Variants in SAMD12 observed in about 807,000 individuals in gnomAD.
The protein encoded by SAMD12 is sterile alpha motif domain containing 12.
In SAMD12, 9 loss-of-function variants were observed where a neutral mutation model predicts 15.0. That is an observed-to-expected ratio of 0.60 (90% CI 0.36 to 1.05). The LOEUF (loss-of-function observed/expected upper bound fraction) is 1.05, where lower values mean the gene tolerates loss of function less well. Among genes scored for constraint, SAMD12 ranks in the 50% least tolerant of loss-of-function variants. SAMD12 has a pLI of 0.01. For synonymous variants in SAMD12, 86 were observed against 90.1 expected (o/e 0.96, Z 0.25); for missense variants, 230 against 234.2 (o/e 0.98, Z 0.12).
At chr8:118,403,635 A>G (rs1262422264) in intron 3 of SAMD12, among the ~76,000 whole-genome samples, 1 of 152,232 alleles carries the variant, frequency 6.6e-6, no homozygotes, top group Non-Finnish European at 1.5e-5. Flanking sequence ...ATTAAACTAA[A>G]AACAAAAACA....
chr8:118,329,998 C>A (rs889088182), intron 4 of SAMD12, among the ~76,000 whole-genome samples: 3 of 151,994 alleles, frequency 2.0e-5, no homozygotes, highest in Non-Finnish European at 4.4e-5. Flanking sequence ...AAGAAGAACT[C>A]GCTTGTATGG....
chr8:118,136,882 A>G, the SAMD12 span, among the ~76,000 whole-genome samples: 1 of 152,202 alleles, frequency 6.6e-6, no homozygotes, highest in African/African-American at 2.4e-5. Flanking sequence ...ATTCCTAGAC[A>G]GTTTCTTTCT....
At chr8:118,473,110 C>A (rs1823852470) in intron 2 of SAMD12, among the ~76,000 whole-genome samples, 1 of 152,104 alleles carries the variant, frequency 6.6e-6, no homozygotes, top group East Asian at 1.9e-4. Flanking sequence ...CAAGGTATGT[C>A]GCTCCCTGCC....
intron 3 of SAMD12, among the ~76,000 whole-genome samples, chr8:118,417,624 AATG>A (rs1821768306): frequency 6.6e-6 from 1 of 152,374 alleles, no homozygotes; most frequent in East Asian, 1.9e-4. Flanking sequence ...CAATAGAGAT[AATG>A]ATAAAATATT....
downstream of SAMD12, among the ~76,000 whole-genome samples, chr8:118,188,869 G>A (rs1819289480): frequency 6.6e-6 from 1 of 152,126 alleles, no homozygotes; most frequent in African/African-American, 2.4e-5. Flanking sequence ...GGCTGGCTAT[G>A]CCAAATCTGT....
chr8:118,330,330 C>T (rs1816755323), intron 4 of SAMD12, among the ~76,000 whole-genome samples: 1 of 152,198 alleles, frequency 6.6e-6, no homozygotes, highest in South Asian at 2.1e-4. Context: ...AAACTTGGCT[C>T]TTCTCCATGT....
intron 4 of SAMD12, among the ~76,000 whole-genome samples, chr8:118,199,750 T>C (rs980009440): frequency 1.1e-4 from 17 of 152,216 alleles, no homozygotes; most frequent in African/African-American, 4.1e-4. Flanking sequence ...CAGTATACTT[T>C]AGAGCACTTT....
At chr8:118,380,177 A>G (rs909697106) in intron 3 of SAMD12, among the ~76,000 whole-genome samples, 2 of 152,156 alleles carry the variant, frequency 1.3e-5, no homozygotes, top group Non-Finnish European at 2.9e-5. Flanking sequence ...GTAACACAGG[A>G]TATAATAACA....
intron 4 of SAMD12, among the ~76,000 whole-genome samples, chr8:118,229,184 G>A (rs1023328373): frequency 1.1e-4 from 16 of 151,998 alleles, no homozygotes; most frequent in African/African-American, 3.6e-4. Flanking sequence ...ATGGTGCAGT[G>A]TATACTGCTT....
At chr8:118,602,827 C>A (rs1392526517) in intron 1 of SAMD12, among the ~76,000 whole-genome samples, 1 of 151,864 alleles carries the variant, frequency 6.6e-6, no homozygotes, top group African/African-American at 2.4e-5. Flanking sequence ...CTAATATTGG[C>A]AAATATTTGA....
At chr8:118,406,562 CT>C (rs1310405044) in intron 3 of SAMD12, among the ~76,000 whole-genome samples, 1 of 152,142 alleles carries the variant, frequency 6.6e-6, no homozygotes, top group African/African-American at 2.4e-5. Flanking sequence ...TCATGAGGTA[CT>C]GGCCCAACCT....
chr8:118,498,380 T>C (rs1488334097), intron 2 of SAMD12, among the ~76,000 whole-genome samples: 2 of 152,212 alleles, frequency 1.3e-5, no homozygotes, highest in East Asian at 1.9e-4. Context: ...TATACACGAA[T>C]ATATTTTATT....
rs184485668 is a variant in SAMD12 at position 118,572,177 on chromosome 8, T to C, written c.192+8538A>G. ...CTGTCCTGCTGGATTTCTGACTTGC[T>C]TGGGGCCTGTAGCTTCTTTGTTTTG... On this transcript the variant is annotated intron_variant, in intron 2 of 3. Transcript: ENST00000314727. 2.5e-4 allele frequency among the ~76,000 whole-genome samples: 38 copies of C among 152,276 alleles called. No homozygotes were observed. In the East Asian group the frequency reaches 6.9e-3, roughly 28 times the overall value.
At chr8:118,426,522 A>G (rs1409649290) in intron 3 of SAMD12, among the ~76,000 whole-genome samples, 1 of 152,222 alleles carries the variant, frequency 6.6e-6, no homozygotes, top group African/African-American at 2.4e-5. Flanking sequence ...AACCATGGGC[A>G]TTATTAAGGA....
intron 4 of SAMD12, among the ~76,000 whole-genome samples, chr8:118,227,939 A>T (rs1812222163): frequency 6.6e-6 from 1 of 152,246 alleles, no homozygotes; most frequent in Non-Finnish European, 1.5e-5. Flanking sequence ...AAATAGGCAC[A>T]TAGACCAATG....
chr8:118,163,803 A>G, the SAMD12 span, among the ~76,000 whole-genome samples: 11 of 152,148 alleles, frequency 7.2e-5, no homozygotes, highest in Non-Finnish European at 1.3e-4. Context: ...TGAACCCTGG[A>G]GGCAGAGCTT....
chr8:118,362,480 T>C (rs1297715445), intron 4 of SAMD12, among the ~76,000 whole-genome samples: 3 of 152,172 alleles, frequency 2.0e-5, no homozygotes, highest in African/African-American at 7.2e-5. Context: ...CACACATATG[T>C]AGTTTACAGT....
At chr8:118,492,480 G>A (rs772942451) in intron 2 of SAMD12, among the ~76,000 whole-genome samples, 5 of 152,076 alleles carry the variant, frequency 3.3e-5, no homozygotes, top group Admixed American at 2.0e-4. Context: ...AAAGTTACTC[G>A]ATATGGTAGG....
chr8:118,607,969 T>A (rs1219169920), intron 1 of SAMD12, among the ~76,000 whole-genome samples: 1 of 152,222 alleles, frequency 6.6e-6, no homozygotes, highest in Non-Finnish European at 1.5e-5. Context: ...CTACCTTTTA[T>A]AAAAGCTTCA....
Sources: gnomAD v4.1 joint callset for allele counts (sites outside exome capture counted in the v4.1 genomes callset) on GRCh38, gnomAD v4.1.1 for gene constraint, MANE v1.5 for transcripts, NCBI Gene and HGNC (gene_info 2026-07-23, HGNC 2026-07-21) for gene names.